Variants in TBC1D8B observed in about 807,000 individuals in gnomAD.
TBC1D8B encodes the protein RP11-321G1.1.
In TBC1D8B, 75 loss-of-function variants were observed where a neutral mutation model predicts 82.9. The observed-to-expected ratio is 0.90, with a 90% confidence interval of 0.75 to 1.10. The LOEUF (loss-of-function observed/expected upper bound fraction) is 1.10. Ranked by LOEUF, TBC1D8B falls within the 50% of genes least tolerant of loss-of-function variation. The probability of loss-of-function intolerance (pLI) is 0.00; values close to 1 mark genes in which losing one functional copy is unlikely to be tolerated. For synonymous variants in TBC1D8B, 276 were observed against 276.8 expected (o/e 1.00, Z 0.03); for missense variants, 794 against 796.9 (o/e 1.00, Z 0.04).
intron 3 of TBC1D8B, 113 bp downstream of exon 3, chrX:106,821,108 G>C (rs1001165335): frequency 9.5e-6 from 4 of 419,041 alleles, no homozygotes; most frequent in Non-Finnish European, 1.2e-5. Flanking sequence ...TTCAGGATTG[G>C]TAGAAACGAA....
chrX:106,848,382 C>T (rs1932511059), intron 11 of TBC1D8B, 79 bp downstream of exon 11: 1 of 637,601 alleles, frequency 1.6e-6, no homozygotes, highest in Non-Finnish European at 2.3e-6. Context: ...TTCAGTGTCT[C>T]TTGTCTAATT....
chrX:106,840,613 G>A (rs1216749158), intron 9 of TBC1D8B, 57 bp from the exon 10 acceptor site: 7 of 1,032,507 alleles, frequency 6.8e-6, no homozygotes. Flanking sequence ...ATGTATATAT[G>A]GAAATAGCTT....
In TBC1D8B at chrX:106,826,201, T is replaced by C; in HGVS notation, c.999T>C (p.Asp333=). The C allele has an allele frequency of 3.3e-6, 4 of 1,210,828 alleles. No individual in the cohort carries two copies. The highest frequency in any genetic ancestry group is 4.5e-6 in the Non-Finnish European group (4 of 894,921). The change falls in exon 6 of 21, where the codon GAT becomes GAC. Residue 333 remains aspartate, a synonymous_variant. Transcript: ENST00000357242. The stretch of plus-strand genomic sequence containing the variant: ...ATTATATCTGCTTTGCTAGCCAAGA[T>C]GGCAATCAGTGTAGTGTAATCATTC... ...SENYICFASQ[D]GNQCSVIIPL...
chrX:106,873,466 T>A (rs1181726609), intron 20 of TBC1D8B, 104 bp from the exon 21 acceptor site: 1 of 839,470 alleles, frequency 1.2e-6, no homozygotes, highest in African/African-American at 2.1e-5. Context: ...AGGGTGAAGC[T>A]TCTATGGTAC....
intron 6 of TBC1D8B, 24 bp downstream of exon 6, chrX:106,826,261 C>A (rs1310220104): frequency 3.4e-6 from 4 of 1,160,057 alleles, no homozygotes; most frequent in South Asian, 1.9e-5. Context: ...GGTTACATAT[C>A]AGTTTTTAGT....
In TBC1D8B at chrX:106,802,689, A is replaced by C. The variant is rs1931061796; in HGVS notation, c.-165A>C. The C allele has an allele frequency of 1.5e-6, 1 of 661,002 alleles. No homozygotes were observed. Among genetic ancestry groups the C allele is most frequent in the South Asian group, 2.9e-5 (1 of 34,296 alleles). The allele number at this position is 661,002 out of a possible 1,213,427, so 54.5% of individuals were successfully genotyped here. On this transcript the variant is annotated 5_prime_UTR_variant, in exon 1 of 21. Coordinates refer to ENST00000357242, the MANE Select transcript of TBC1D8B (RefSeq NM_017752.3). The stretch of plus-strand genomic sequence containing the variant: ...GAGGGAATTGGCAATCTCTCTGCCT[A>C]CGTGGGAGAGAAGGGAGGGTTGGGG...
chrX:106,833,774 T>C (rs1436429631), intron 7 of TBC1D8B, among the ~76,000 whole-genome samples: 3 of 110,899 alleles, frequency 2.7e-5, no homozygotes, highest in African/African-American at 9.8e-5. Flanking sequence ...CCCTCTGGGA[T>C]ACTTTTCCTG....
Position 106,869,552 on chromosome X carries a change from C to G in TBC1D8B, c.2869+11C>G. On this transcript the variant is annotated intron_variant, in intron 19 of 20. Transcript: ENST00000357242. The stretch of plus-strand genomic sequence containing the variant: ...ACAGCCCTGAAAAAGGTACTATGAT[C>G]TAGGAGTTATCATTTAATTTATTTA... 8.5e-7 allele frequency: 1 copy of G among 1,169,638 alleles called. No individual in the cohort carries two copies. The highest frequency in any genetic ancestry group is 1.2e-6 in the Non-Finnish European group (1 of 865,218).
intron 1 of TBC1D8B, among the ~76,000 whole-genome samples, chrX:106,807,331 C>A (rs1931219255): frequency 9.0e-6 from 1 of 110,681 alleles, no homozygotes; most frequent in African/African-American, 3.3e-5. Flanking sequence ...GCTCCCATCC[C>A]TCTCTGGAAC....
chrX:106,825,075 A>G (rs1015809546), intron 5 of TBC1D8B, among the ~76,000 whole-genome samples: 1 of 111,203 alleles, frequency 9.0e-6, no homozygotes, highest in African/African-American at 3.3e-5. Context: ...ACATAAATGG[A>G]CTTTATTTTA....
chrX:106,828,992 G>T (rs1426910395), intron 7 of TBC1D8B: 1 of 107,618 alleles, frequency 9.3e-6, no homozygotes, highest in Non-Finnish European at 1.9e-5. Context: ...AGGAAAAGAG[G>T]AAGTCAAATT....
In TBC1D8B at chrX:106,805,072, C is replaced by CTTTTTTTTT. The variant is rs11432144; in HGVS notation, c.130+2103_130+2111dup. On this transcript the variant is annotated intron_variant, in intron 1 of 20. Coordinates refer to ENST00000357242, the MANE Select transcript of TBC1D8B (RefSeq NM_017752.3). ...TTTTTTTTAACTTGTTGCAAGTTTC[C>CTTTTTTTTT]TTTTTTTTTTTTTTTTTTTTTTGTT... is the stretch of plus-strand genomic sequence containing the variant. Among the ~76,000 whole-genome samples the CTTTTTTTTT allele has an allele frequency of 7.2e-3, 395 of 54,571 alleles. 4 individuals carry two copies. Among genetic ancestry groups the CTTTTTTTTT allele is most frequent in the Non-Finnish European group, 8.5e-3 (286 of 33,776 alleles). The allele number at this position is 54,571 out of a possible 115,157, so 47.4% of individuals were successfully genotyped here. A position where few individuals can be genotyped will look rare whatever the true frequency, so the allele number is the denominator to read the frequency against.
At chrX:106,853,852 G>T (rs1932644280) in intron 13 of TBC1D8B, among the ~76,000 whole-genome samples, 1 of 111,910 alleles carries the variant, frequency 8.9e-6, no homozygotes, top group Non-Finnish European at 1.9e-5. Context: ...TTCATTAAAT[G>T]AAATTAAATT....
chrX:106,844,687 A>G (rs1050642767), intron 10 of TBC1D8B, among the ~76,000 whole-genome samples: 1 of 109,422 alleles, frequency 9.1e-6, no homozygotes, highest in Non-Finnish European at 1.9e-5. Flanking sequence ...TTTGTAAGAT[A>G]TATTGATATA....
At chrX:106,840,935 A>C in intron 10 of TBC1D8B, 51 bp downstream of exon 10, 3 of 1,069,684 alleles carry the variant, frequency 2.8e-6, no homozygotes, top group Non-Finnish European at 1.3e-6. Flanking sequence ...ATAAAATCAC[A>C]TCAAATCCAA....
intron 2 of TBC1D8B, 85 bp downstream of exon 2, chrX:106,818,858 G>A: frequency 2.8e-6 from 2 of 717,958 alleles, no homozygotes; most frequent in Non-Finnish European, 2.0e-6. Flanking sequence ...GTCTGTAGTT[G>A]CTTTGAGATT....
chrX:106,856,501 C>A (rs891186394), intron 14 of TBC1D8B, among the ~76,000 whole-genome samples: 1 of 110,096 alleles, frequency 9.1e-6, no homozygotes, highest in Non-Finnish European at 1.9e-5. Flanking sequence ...TTTAATATAC[C>A]TAGAGTATAT....
In TBC1D8B at chrX:106,869,526, C is replaced by T. The variant is rs1932834492; in HGVS notation, c.2854C>T (p.His952Tyr). The T allele has an allele frequency of 8.3e-7, 1 of 1,206,615 alleles. No homozygotes were observed. The highest frequency in any genetic ancestry group is 2.3e-4 in the Middle Eastern group (1 of 4,320). Residue 952 changes from histidine (H) to tyrosine (Y), a missense_variant, in exon 19 of 21, where the codon CAC (histidine) becomes TAC (tyrosine). His to Tyr is a moderately conservative substitution (Grantham distance 83). Transcript: ENST00000357242. Reference protein sequence around the residue: ...ANEKEAESAKHSPEKGKGKID... With the variant: ...ANEKEAESAKYSPEKGKGKID... ...TGAGAAGGAAGCAGAATCAGCAAAA[C>T]ACAGCCCTGAAAAAGGTACTATGAT...
chrX:106,803,868 C>T (rs952472398), intron 1 of TBC1D8B, among the ~76,000 whole-genome samples: 1 of 111,877 alleles, frequency 8.9e-6, no homozygotes, highest in African/African-American at 3.3e-5. Context: ...TTTTTCTAAT[C>T]AATCTCTAAT....
Sources: gnomAD v4.1 joint callset for allele counts (sites outside exome capture counted in the v4.1 genomes callset) on GRCh38, gnomAD v4.1.1 for gene constraint, MANE v1.5 for transcripts, NCBI Gene and HGNC (gene_info 2026-07-23, HGNC 2026-07-21) for gene names.